SMARCA2: variants seen among roughly 807,000 people sequenced by gnomAD.
The protein encoded by SMARCA2 is SWI/SNF-related matrix-associated actin-dependent regulator of chromatin subfamily A member 2.
In SMARCA2, 61 loss-of-function variants were observed where a neutral mutation model predicts 199.8. That is an observed-to-expected ratio of 0.31 (90% confidence interval 0.25 to 0.38). The LOEUF (loss-of-function observed/expected upper bound fraction) is 0.38. Among genes scored for constraint, SMARCA2 ranks in the 10% least tolerant of loss-of-function variants. The probability of loss-of-function intolerance (pLI) is 1.00; values close to 1 mark genes in which losing one functional copy is unlikely to be tolerated. For synonymous variants in SMARCA2, 935 were observed against 732.0 expected, an observed-to-expected ratio of 1.28 and a Z score of -4.48; for missense variants, 1,344 against 2,012.2, an observed-to-expected ratio of 0.67 and a Z score of 6.35.
At chr9:2,166,688 T>G (rs1049599990) in intron 28 of SMARCA2, among the ~76,000 whole-genome samples, 4 of 152,210 alleles carry the variant, frequency 2.6e-5, no homozygotes, top group Admixed American at 1.3e-4. Flanking sequence ...CTTAGAAACT[T>G]AGACAAAGGA....
intron 3 of SMARCA2, among the ~76,000 whole-genome samples, chr9:2,034,106 G>T (rs973697631): frequency 1.3e-5 from 2 of 152,000 alleles, no homozygotes; most frequent in Admixed American, 1.3e-4. Context: ...TCAGCTGGGC[G>T]TGGTGGCACA....
intron 1 of SMARCA2, among the ~76,000 whole-genome samples, chr9:2,024,619 G>T (rs1485754487): frequency 2.0e-5 from 3 of 152,166 alleles, no homozygotes; most frequent in Non-Finnish European, 4.4e-5. Context: ...GTCCTTGCAA[G>T]ATATCCCTTC....
Position 2,110,212 on chromosome 9 carries a change from G to T in SMARCA2, c.3293-42G>T. 6.6e-7 allele frequency: 1 copy of T among 1,521,558 alleles called. No homozygotes were observed. 94.3% of individuals were successfully genotyped at this position (1,521,558 alleles called of 1,614,324 possible). On this transcript the variant is annotated intron_variant, in intron 23 of 33. Coordinates refer to ENST00000349721, the MANE Select transcript of SMARCA2 (RefSeq NM_003070.5). The surrounding 1 kb of genome is among the most constrained non-coding windows in gnomAD (Gnocchi z 4.8). ...TTTGTCTCATTCTGTGCCATTTTCAGACAAGAGTTAATTGGCAAATTAATT... is the reference window on the plus strand; with the variant it reads ...TTTGTCTCATTCTGTGCCATTTTCATACAAGAGTTAATTGGCAAATTAATT...
chr9:2,176,182 G>GTTTTTTTTTGTTTTGTTTTTT (rs1826578994), intron 29 of SMARCA2, among the ~76,000 whole-genome samples: 2 of 104,160 alleles, frequency 1.9e-5, no homozygotes, highest in African/African-American at 7.5e-5. Context: ...CGCCCGGCCT[G>GTTTTTTTTTGTTTTGTTTTTT]TTTTTTTTTT....
chr9:2,151,445 A>G (rs1345428376), intron 27 of SMARCA2, among the ~76,000 whole-genome samples: 1 of 151,366 alleles, frequency 6.6e-6, no homozygotes, highest in Non-Finnish European at 1.5e-5. Flanking sequence ...TACGAACCAG[A>G]TTGAGGCTGG....
chr9:2,162,905 G>A (rs1825754119), intron 28 of SMARCA2: 1 of 152,182 alleles, frequency 6.6e-6, no homozygotes, highest in Admixed American at 6.5e-5. Context: ...TATTAAGCAT[G>A]TAACAACAGA....
At chr9:2,099,536 T>C (rs555089450) in intron 21 of SMARCA2, among the ~76,000 whole-genome samples, 212 of 152,222 alleles carry the variant, frequency 1.4e-3, no homozygotes, top group African/African-American at 5.0e-3. Context: ...GGGGGAATCA[T>C]GAAGGAAGCG....
intron 27 of SMARCA2, among the ~76,000 whole-genome samples, chr9:2,130,066 C>G (rs1206889948): frequency 2.6e-5 from 4 of 152,164 alleles, no homozygotes; most frequent in Non-Finnish European, 5.9e-5. Context: ...ATTTGCCAGG[C>G]TGGTCTTGAA....
At chr9:2,053,362 A>T (rs1174936668) in intron 5 of SMARCA2, among the ~76,000 whole-genome samples, 1 of 152,122 alleles carries the variant, frequency 6.6e-6, no homozygotes, top group African/African-American at 2.4e-5. Context: ...TTCAGCTTTT[A>T]TAGTTGAGGT....
intron 29 of SMARCA2, among the ~76,000 whole-genome samples, chr9:2,177,423 C>G (rs10491696): frequency 0.69 from 104,394 of 152,042 alleles, 36,149 homozygotes; most frequent in African/African-American, 0.78. Flanking sequence ...TATCTATTAG[C>G]TATTCTGGTC....
At chr9:2,111,984 A>G (rs930400380) in intron 24 of SMARCA2, among the ~76,000 whole-genome samples, 1 of 152,214 alleles carries the variant, frequency 6.6e-6, no homozygotes, top group Non-Finnish European at 1.5e-5. Context: ...CACAGAATAT[A>G]TTAGTTCTAA....
chr9:2,178,778 C>T (rs752610399), intron 29 of SMARCA2, among the ~76,000 whole-genome samples: 2 of 151,998 alleles, frequency 1.3e-5, no homozygotes, highest in Non-Finnish European at 2.9e-5. Flanking sequence ...AGCAAGTGTT[C>T]GTGCTACCTC....
intron 22 of SMARCA2, 142 bp downstream of exon 22, chr9:2,101,758 G>A (rs372181859): frequency 4.2e-6 from 2 of 478,030 alleles, no homozygotes; most frequent in Non-Finnish European, 7.6e-6. Context: ...AACCAAAACG[G>A]TATCAGCATT....
chr9:2,111,556 C>T (rs1823006013), intron 24 of SMARCA2, among the ~76,000 whole-genome samples: 1 of 150,430 alleles, frequency 6.6e-6, no homozygotes, highest in Non-Finnish European at 1.5e-5. Context: ...AGTATGAATT[C>T]TACATCAGCT....
At position 2,062,435 on chromosome 9, in the gene SMARCA2, G is replaced by T. The variant is rs551619509; in HGVS notation, c.1692+1449G>T. Among the ~76,000 whole-genome samples the T allele has an allele frequency of 1.3e-4, 20 of 152,266 alleles. No homozygotes were observed. In the South Asian group the frequency reaches 3.5e-3, roughly 27 times the overall value. ...TTAAAAGCTAATGACCCAGTTTTGAGATTATGGCTTACAATTAATAGATTT... is the reference window on the plus strand; with the variant it reads ...TTAAAAGCTAATGACCCAGTTTTGATATTATGGCTTACAATTAATAGATTT... On this transcript the variant is annotated intron_variant, in intron 9 of 33. Transcript: ENST00000349721.
Position 2,191,282 on chromosome 9 carries a change from G to A in SMARCA2, c.4611G>A (p.Val1537=), listed in dbSNP as rs1159640522. The A allele has an allele frequency of 1.9e-6, 3 of 1,614,000 alleles. No homozygotes were observed. Among genetic ancestry groups the A allele is most frequent in the African/African-American group, 1.3e-5 (1 of 75,002 alleles). ...TGGTTTTAGCAAAATCAGTCAAGGT[G>A]AAAATTAAGCTCAATAAAAAAGATG... is the stretch of plus-strand genomic sequence containing the variant. ...ESESEAKSVK[V]KIKLNKKDDK... The change falls in exon 33 of 34, where the codon GTG becomes GTA. Residue 1537 remains valine, a synonymous_variant. Transcript: ENST00000349721.
At chr9:2,142,831 G>A (rs745807877) in intron 27 of SMARCA2, among the ~76,000 whole-genome samples, 9 of 152,022 alleles carry the variant, frequency 5.9e-5, no homozygotes, top group Non-Finnish European at 7.4e-5. Context: ...GTTAGAACGC[G>A]TTTCCCTAGC....
chr9:2,032,199 G>C (rs967055947), intron 2 of SMARCA2, among the ~76,000 whole-genome samples: 2 of 152,152 alleles, frequency 1.3e-5, no homozygotes, highest in East Asian at 3.8e-4. Context: ...TGCTATTACA[G>C]TTTGGGGAGG....
intron 27 of SMARCA2, among the ~76,000 whole-genome samples, chr9:2,155,567 C>T (rs146405413): frequency 3.5e-4 from 54 of 152,298 alleles, no homozygotes; most frequent in African/African-American, 1.3e-3. Context: ...AGGCGTGAGC[C>T]ACTGCGCGGG....
Sources: gnomAD v4.1 joint callset for allele counts (sites outside exome capture counted in the v4.1 genomes callset) on GRCh38, gnomAD v4.1.1 for gene constraint, Gnocchi (gnomAD v3.1) non-coding constraint, MANE v1.5 for transcripts, NCBI Gene and HGNC (gene_info 2026-07-23, HGNC 2026-07-21) for gene names.